Variants in C5 observed in about 807,000 individuals in gnomAD.
C5 encodes C3 and PZP-like alpha-2-macroglobulin domain-containing protein 4.
In C5, 140 loss-of-function variants were observed where a neutral mutation model predicts 218.8. The ratio of observed to expected loss-of-function variants is 0.64; its 90% confidence interval spans 0.56 to 0.74. The LOEUF (loss-of-function observed/expected upper bound fraction) is 0.74, where lower values mean the gene tolerates loss of function less well. Among genes scored for constraint, C5 ranks in the 30% least tolerant of loss-of-function variants. C5 has a pLI of 0.00. For synonymous variants in C5, 614 were observed against 682.3 expected (o/e 0.90, Z 1.56); for missense variants, 1,700 against 1,969.6 (o/e 0.86, Z 2.59).
chr9:121,036,887 T>C (rs1822023622), intron 4 of C5, among the ~76,000 whole-genome samples: 1 of 152,134 alleles, frequency 6.6e-6, no homozygotes, highest in East Asian at 1.9e-4. Context: ...TTTTGGTTTT[T>C]TTTTTGAGTA....
At chr9:121,000,127 C>T (rs967923721) in intron 20 of C5, 1 of 206,532 alleles carries the variant, frequency 4.8e-6, no homozygotes, top group East Asian at 1.7e-4. Context: ...AAAGAGATGG[C>T]AGGCTAGATT....
chr9:121,003,872 G>C (rs1375069719), intron 20 of C5, among the ~76,000 whole-genome samples: 1 of 152,062 alleles, frequency 6.6e-6, no homozygotes, highest in Admixed American at 6.6e-5. Flanking sequence ...CTAATGAGAA[G>C]ATAATTTTTT....
At chr9:121,056,543 CT>C in the C5 span, among the ~76,000 whole-genome samples, 2 of 152,030 alleles carry the variant, frequency 1.3e-5, no homozygotes, top group East Asian at 3.8e-4. Flanking sequence ...ATGAAAATTT[CT>C]TTTAAAAAAT....
At chr9:120,978,976 G>A (rs74973114) in intron 28 of C5, among the ~76,000 whole-genome samples, 2,309 of 152,252 alleles carry the variant, frequency 0.015, 50 homozygotes, top group Middle Eastern at 0.027. Flanking sequence ...CGGGGGAGTG[G>A]AGCACAGGCT....
chr9:120,976,939 T>C (rs759353499), intron 28 of C5, 34 bp from the exon 29 acceptor site: 1 of 1,553,642 alleles, frequency 6.4e-7, no homozygotes, highest in Non-Finnish European at 8.9e-7. Context: ...ATTAATATGA[T>C]TAAAAATGTG....
In C5 at chr9:121,005,969, G is replaced by A; in HGVS notation, c.2512C>T (p.Gln838Ter). The change falls in exon 20 of 41, where the codon CAG becomes TAG. Residue 838 changes from glutamine (Q) to a stop codon, truncating the protein, a stop_gained. Coordinates refer to ENST00000223642, the MANE Select transcript of C5 (RefSeq NM_001735.3). LOFTEE classifies it high-confidence loss of function. The stretch of plus-strand genomic sequence containing the variant: ...TAAACAGTTCCTTTCAATTGGATCT[G>A]TTCTCCTCGTACAACAGAATATGGT... ...NIPYSVVRGE[Q>*]IQLKGTVYNY... The A allele has an allele frequency of 6.2e-7, 1 of 1,613,620 alleles. No homozygotes were observed.
At chr9:120,985,399 T>C (rs2047025642) in intron 25 of C5, among the ~76,000 whole-genome samples, 1 of 152,174 alleles carries the variant, frequency 6.6e-6, no homozygotes, top group Non-Finnish European at 1.5e-5. Context: ...TGGCAAAATC[T>C]GATGAAACTG....
chr9:120,961,617 C>T, intron 36 of C5, 52 bp from the exon 37 acceptor site: 1 of 1,142,114 alleles, frequency 8.8e-7, no homozygotes, highest in African/African-American at 1.5e-5. Context: ...AAGAACAACA[C>T]ATTTACTAAT....
At chr9:121,063,181 GA>G in the C5 span, among the ~76,000 whole-genome samples, 1 of 150,488 alleles carries the variant, frequency 6.6e-6, no homozygotes, top group Non-Finnish European at 1.5e-5. Context: ...TGGCATACCA[GA>G]TGGTCTACAG....
intron 4 of C5, among the ~76,000 whole-genome samples, chr9:121,036,391 A>G (rs80234581): frequency 6.6e-6 from 1 of 151,818 alleles, no homozygotes; most frequent in South Asian, 2.1e-4. Context: ...ACTGACATTC[A>G]TTTTTCTGCA....
At chr9:121,022,314 T>TAC (rs1324278250) in intron 10 of C5, among the ~76,000 whole-genome samples, 28 of 133,138 alleles carry the variant, frequency 2.1e-4, no homozygotes, top group African/African-American at 7.1e-4. Flanking sequence ...TATATATATA[T>TAC]ACACACACAA....
At chr9:120,953,115 G>A (rs552484418) in intron 40 of C5, among the ~76,000 whole-genome samples, 4 of 152,232 alleles carry the variant, frequency 2.6e-5, no homozygotes, top group Non-Finnish European at 5.9e-5. Flanking sequence ...TAGTAGAGAC[G>A]GGGTTTCACC....
chr9:121,018,645 G>A (rs868091877), intron 12 of C5, among the ~76,000 whole-genome samples: 1 of 23,944 alleles, frequency 4.2e-5, no homozygotes, highest in Non-Finnish European at 8.1e-5. Context: ...GAGGGAGGGA[G>A]GGAAAGAAAG....
At chr9:121,027,495 T>C (rs1055395388) in intron 7 of C5, among the ~76,000 whole-genome samples, 1 of 151,974 alleles carries the variant, frequency 6.6e-6, no homozygotes, top group Non-Finnish European at 1.5e-5. Flanking sequence ...CCAAAACAGA[T>C]ATATAGACCA....
At chr9:121,000,589 G>T (rs2047153321) in intron 20 of C5, among the ~76,000 whole-genome samples, 1 of 152,104 alleles carries the variant, frequency 6.6e-6, no homozygotes, top group Non-Finnish European at 1.5e-5. Context: ...CTGGCTATTT[G>T]GGATTAGATC....
rs778908392 is a variant in C5 at position 120,981,896 on chromosome 9, G to A, written c.3434C>T (p.Thr1145Ile). 3 of 1,614,068 alleles carry A rather than the reference G, an allele frequency of 1.9e-6. No individual in the cohort carries two copies. Among genetic ancestry groups the A allele is most frequent in the Non-Finnish European group, 2.5e-6 (3 of 1,179,940 alleles). ...VEARENSLYL[T>I]AFTVIGIRKA... ...TCTAATTCCAATCACAGTAAAGGCTGTAAGATATAAGCTGTTCTCTCGGGC... is the reference window on the plus strand; with the variant it reads ...TCTAATTCCAATCACAGTAAAGGCTATAAGATATAAGCTGTTCTCTCGGGC... Residue 1145 changes from threonine to isoleucine, a missense_variant, in exon 27 of 41, where the codon ACA becomes ATA. Thr to Ile is a moderately conservative substitution (Grantham distance 89). Transcript: ENST00000223642.
rs954019425 is a variant in C5, at chr9:121,026,804, A to T, written c.873+356T>A. Among the ~76,000 whole-genome samples, 4 of 152,158 alleles carry T rather than the reference A, an allele frequency of 2.6e-5. No homozygotes were observed. In the East Asian group the frequency reaches 5.8e-4, roughly 22 times the overall value. Reference sequence around the variant, plus strand: ...TGTCAATGTTGAAACTTAAAGAATGAGAAGGAATTAGCCAGGCAAAGAAGG... The same window carrying T: ...TGTCAATGTTGAAACTTAAAGAATGTGAAGGAATTAGCCAGGCAAAGAAGG... On this transcript the variant is annotated intron_variant, in intron 8 of 40. Transcript: ENST00000223642.
At chr9:121,031,092 T>C (rs1379156142) in intron 6 of C5, among the ~76,000 whole-genome samples, 2 of 152,136 alleles carry the variant, frequency 1.3e-5, no homozygotes, top group African/African-American at 4.8e-5. Flanking sequence ...ACTGTTTTTC[T>C]TGTTAATTGT....
intron 12 of C5, among the ~76,000 whole-genome samples, chr9:121,018,746 G>GAAGA (rs2047336508): frequency 3.3e-5 from 1 of 30,126 alleles, no homozygotes; most frequent in Admixed American, 3.6e-4. Flanking sequence ...GGAAGGAAAG[G>GAAGA]AAGGAAGGAA....
Sources: gnomAD v4.1 joint callset for allele counts (sites outside exome capture counted in the v4.1 genomes callset) on GRCh38, gnomAD v4.1.1 for gene constraint, MANE v1.5 for transcripts, NCBI Gene and HGNC (gene_info 2026-07-23, HGNC 2026-07-21) for gene names.